C8orf34: variants seen among roughly 807,000 people sequenced by gnomAD.
C8orf34 encodes uncharacterized protein C8orf34.
A neutral mutation model predicts 68.3 loss-of-function variants in C8orf34; 65 were observed. The ratio of observed to expected loss-of-function variants is 0.95; its 90% CI spans 0.78 to 1.17. The LOEUF (loss-of-function observed/expected upper bound fraction) is 1.17, where lower values mean the gene tolerates loss of function less well. Ranked by LOEUF, C8orf34 falls within the 50% of genes most tolerant of loss-of-function variation. The probability of loss-of-function intolerance (pLI) is 0.00; values close to 1 mark genes in which losing one functional copy is unlikely to be tolerated. For missense variants in C8orf34, 664 were observed against 655.4 expected, an observed-to-expected ratio of 1.01 and a Z score of -0.14; for synonymous variants, 244 against 241.2, an observed-to-expected ratio of 1.01 and a Z score of -0.11.
At chr8:68,472,057 C>T (rs1295929073) in intron 4 of C8orf34, among the ~76,000 whole-genome samples, 1 of 151,742 alleles carries the variant, frequency 6.6e-6, no homozygotes, top group East Asian at 1.9e-4. Flanking sequence ...CTTTTTCTGG[C>T]TTTTTTTCAA....
At chr8:68,539,585 C>T (rs1815622996) in intron 7 of C8orf34, among the ~76,000 whole-genome samples, 1 of 152,190 alleles carries the variant, frequency 6.6e-6, no homozygotes, top group East Asian at 1.9e-4. Context: ...AGCACGGTGG[C>T]TCACGCCTGT....
intron 11 of C8orf34, among the ~76,000 whole-genome samples, chr8:68,776,781 A>G (rs1049613215): frequency 6.6e-6 from 1 of 152,202 alleles, no homozygotes; most frequent in Non-Finnish European, 1.5e-5. Flanking sequence ...GCACAAAAAA[A>G]GACACAACCG....
At chr8:68,400,016 TTTG>T (rs1206502216) in intron 1 of C8orf34, among the ~76,000 whole-genome samples, 1 of 152,140 alleles carries the variant, frequency 6.6e-6, no homozygotes, top group Non-Finnish European at 1.5e-5. Context: ...ATTTGGGGTT[TTTG>T]TTGTTGCGGT....
At chr8:68,470,052 A>C (rs1812317837) in intron 4 of C8orf34, among the ~76,000 whole-genome samples, 1 of 151,922 alleles carries the variant, frequency 6.6e-6, no homozygotes. Flanking sequence ...CTACCTTATC[A>C]CAGGATCTTA....
intron 7 of C8orf34, among the ~76,000 whole-genome samples, chr8:68,541,210 C>A (rs1160210005): frequency 1.3e-5 from 2 of 152,078 alleles, no homozygotes; most frequent in Admixed American, 6.6e-5. Flanking sequence ...CACCTGTAAT[C>A]CTAACACTTT....
chr8:68,353,604 A>G (rs935140805), intron 1 of C8orf34, among the ~76,000 whole-genome samples: 1 of 145,298 alleles, frequency 6.9e-6, no homozygotes, highest in Admixed American at 7.1e-5. Context: ...ATATATACAC[A>G]CACATATATA....
At chr8:68,570,944 C>G (rs1174800132) in intron 7 of C8orf34, among the ~76,000 whole-genome samples, 1 of 152,082 alleles carries the variant, frequency 6.6e-6, no homozygotes, top group African/African-American at 2.4e-5. Context: ...GGTACAGACA[C>G]TTGGAGTAAG....
chr8:68,337,005 A>G (rs1805879439), intron 1 of C8orf34, among the ~76,000 whole-genome samples: 1 of 152,188 alleles, frequency 6.6e-6, no homozygotes, highest in Non-Finnish European at 1.5e-5. Context: ...GGAGAAGAGA[A>G]AACTTTACCT....
At chr8:68,373,835 TTAAAA>T (rs1807670270) in intron 1 of C8orf34, among the ~76,000 whole-genome samples, 1 of 152,214 alleles carries the variant, frequency 6.6e-6, no homozygotes, top group Non-Finnish European at 1.5e-5. Context: ...TCACAAGTGG[TTAAAA>T]TAAATATAAC....
chr8:68,702,926 T>G (rs1821061598), intron 8 of C8orf34, among the ~76,000 whole-genome samples: 1 of 152,172 alleles, frequency 6.6e-6, no homozygotes, highest in Non-Finnish European at 1.5e-5. Flanking sequence ...AGTAATTGGC[T>G]GCTACTTGGT....
At chr8:68,340,453 A>T (rs1404746828) in intron 1 of C8orf34, among the ~76,000 whole-genome samples, 2 of 152,162 alleles carry the variant, frequency 1.3e-5, no homozygotes, top group African/African-American at 4.8e-5. Flanking sequence ...CAAGACTGAC[A>T]AAGGAAAAAG....
chr8:68,713,312 A>G (rs1328876062), intron 9 of C8orf34, among the ~76,000 whole-genome samples: 1 of 152,122 alleles, frequency 6.6e-6, no homozygotes, highest in East Asian at 1.9e-4. Context: ...AAGAAAAGAG[A>G]TAACGAAGAT....
intron 1 of C8orf34, among the ~76,000 whole-genome samples, chr8:68,403,202 T>C (rs892300040): frequency 4.6e-5 from 7 of 152,182 alleles, no homozygotes; most frequent in African/African-American, 1.7e-4. Flanking sequence ...GGGAGGCCAG[T>C]GGAAGGCAGG....
chr8:68,471,234 A>G (rs1812366339), intron 4 of C8orf34, among the ~76,000 whole-genome samples: 1 of 152,084 alleles, frequency 6.6e-6, no homozygotes, highest in African/African-American at 2.4e-5. Flanking sequence ...GATTTATGTG[A>G]GTTAAGAGGA....
intron 12 of C8orf34, among the ~76,000 whole-genome samples, chr8:68,790,183 T>A (rs1447763818): frequency 6.6e-6 from 1 of 152,212 alleles, no homozygotes; most frequent in Non-Finnish European, 1.5e-5. Flanking sequence ...ACTGATACTT[T>A]CAGTCAACGC....
chr8:68,645,230 A>G (rs1441553841), intron 8 of C8orf34, among the ~76,000 whole-genome samples: 2 of 152,168 alleles, frequency 1.3e-5, no homozygotes, highest in Non-Finnish European at 2.9e-5. Context: ...AACGGAGTTC[A>G]TATCGCCTTG....
chr8:68,570,657 A>G (rs907324804), intron 7 of C8orf34, among the ~76,000 whole-genome samples: 2 of 152,190 alleles, frequency 1.3e-5, no homozygotes, highest in South Asian at 4.1e-4. Context: ...GCCCTGTGAA[A>G]TAAGTCATTA....
chr8:68,382,813 C>A (rs966316330), intron 1 of C8orf34, among the ~76,000 whole-genome samples: 18 of 152,168 alleles, frequency 1.2e-4, no homozygotes, highest in Admixed American at 9.2e-4. Flanking sequence ...GATTCCAACA[C>A]TTTCTATTTG....
At chr8:68,354,289 G>A (rs1397710663) in intron 1 of C8orf34, among the ~76,000 whole-genome samples, 3 of 151,970 alleles carry the variant, frequency 2.0e-5, no homozygotes, top group Non-Finnish European at 4.4e-5. Context: ...AATTTTATTT[G>A]AAAGATAACA....
Sources: allele counts gnomAD v4.1 joint callset (sites outside exome capture counted in the v4.1 genomes callset), GRCh38; gene constraint gnomAD v4.1.1; transcripts MANE v1.5; gene names NCBI Gene and HGNC (gene_info 2026-07-23, HGNC 2026-07-21).